Variants in LRRC7 observed in about 807,000 individuals in gnomAD.
The protein encoded by LRRC7 is leucine-rich repeat-containing protein 7.
In LRRC7, 23 loss-of-function variants were observed where a neutral mutation model predicts 175.7. That is an observed-to-expected ratio of 0.13 (90% confidence interval 0.09 to 0.19). The LOEUF is 0.19. LRRC7 is among the 10% of genes least tolerant of loss of function. The pLI is 1.00. For synonymous variants in LRRC7, 685 were observed against 680.9 expected, an observed-to-expected ratio of 1.01 and a Z score of -0.09; for missense variants, 1,354 against 1,904.7, an observed-to-expected ratio of 0.71 and a Z score of 5.38.
At chr1:69,738,317 A>G (rs1481063410) in intron 2 of LRRC7, among the ~76,000 whole-genome samples, 1 of 152,090 alleles carries the variant, frequency 6.6e-6, no homozygotes, top group African/African-American at 2.4e-5. Flanking sequence ...CTGTCATCCC[A>G]TAAGCCATGG....
chr1:69,767,373 G>A (rs1291595300), intron 3 of LRRC7, among the ~76,000 whole-genome samples: 1 of 152,036 alleles, frequency 6.6e-6, no homozygotes, highest in Non-Finnish European at 1.5e-5. Flanking sequence ...CCATCAGTTT[G>A]GAGCTTTATA....
chr1:69,730,431 C>T lies in LRRC7; in HGVS notation c.101-29760C>T, dbSNP rs529645239. Reference sequence around the variant, plus strand: ...TACCCTAAATCATCCCTCTCAAGTTCAAAGTTCCACAGATCTCAAGGGCAG... The same window carrying T: ...TACCCTAAATCATCCCTCTCAAGTTTAAAGTTCCACAGATCTCAAGGGCAG... On this transcript the variant is annotated intron_variant, in intron 2 of 26. Transcript: ENST00000651989. 8.5e-5 allele frequency among the ~76,000 whole-genome samples: 13 copies of T among 152,282 alleles called. 1 individual carries two copies. In the South Asian group the frequency reaches 2.3e-3, roughly 27 times the overall value.
Position 69,938,878 on chromosome 1 carries a change from A to G in LRRC7, c.711+7308A>G, listed in dbSNP as rs187136130. On this transcript the variant is annotated intron_variant, in intron 8 of 26. Coordinates refer to ENST00000651989, the MANE Select transcript of LRRC7 (RefSeq NM_001370785.2). ...GTACACACTTTTTAAAAAGAGCAAA[A>G]TAATGAAGTACAATTTGTCATCACA... Among the ~76,000 whole-genome samples the G allele has an allele frequency of 3.3e-5, 5 of 151,402 alleles. No individual in the cohort carries two copies. In the East Asian group the frequency reaches 9.7e-4, roughly 29 times the overall value.
Position 69,648,001 on chromosome 1 carries a change from A to C in LRRC7, c.3-30380A>C, listed in dbSNP as rs116821196. Among the ~76,000 whole-genome samples, 990 of 152,314 alleles carry C rather than the reference A, an allele frequency of 6.5e-3. 5 individuals carry two copies. The highest frequency in any genetic ancestry group is 0.023 in the African/African-American group (937 of 41,582). ...CCTTTAGCTAATATAAAATGTTTTC[A>C]AAAGTTTATCTAGTAATCCTTTTTT... On this transcript the variant is annotated intron_variant, in intron 1 of 26. Transcript: ENST00000651989.
intron 9 of LRRC7, among the ~76,000 whole-genome samples, chr1:69,982,874 G>A (rs528198981): frequency 6.6e-6 from 1 of 152,266 alleles, no homozygotes; most frequent in Non-Finnish European, 1.5e-5. Flanking sequence ...TGCCTTTACA[G>A]TCCTCAGGCT....
At chr1:69,946,291 T>A (rs539123562) in intron 8 of LRRC7, among the ~76,000 whole-genome samples, 19 of 152,338 alleles carry the variant, frequency 1.2e-4, no homozygotes, top group Middle Eastern at 3.4e-3. Context: ...GATTTGCACA[T>A]GTTGAACCAT....
intron 25 of LRRC7, 99 bp from the exon 26 acceptor site, chr1:70,107,653 T>C: frequency 3.6e-6 from 3 of 833,508 alleles, no homozygotes; most frequent in Non-Finnish European, 6.1e-6. Flanking sequence ...AAACTGTTTC[T>C]GGATCTGTTT....
intron 8 of LRRC7, among the ~76,000 whole-genome samples, chr1:69,953,645 C>A (rs1449973799): frequency 1.3e-5 from 2 of 152,004 alleles, no homozygotes; most frequent in Non-Finnish European, 2.9e-5. Flanking sequence ...CATTTTTTTA[C>A]ATGTAATAAT....
At chr1:69,697,947 T>C (rs1181879234) in intron 2 of LRRC7, among the ~76,000 whole-genome samples, 2 of 152,158 alleles carry the variant, frequency 1.3e-5, no homozygotes, top group Non-Finnish European at 2.9e-5. Context: ...TCAGGTAGAC[T>C]CCAGAAGAAA....
At chr1:69,781,434 C>A (rs921349780) in intron 3 of LRRC7, among the ~76,000 whole-genome samples, 1 of 151,790 alleles carries the variant, frequency 6.6e-6, no homozygotes, top group Non-Finnish European at 1.5e-5. Flanking sequence ...GTAATCCCAG[C>A]ACTTTGGGAG....
chr1:69,973,280 CA>C (rs1388808221), intron 8 of LRRC7, among the ~76,000 whole-genome samples: 4 of 151,712 alleles, frequency 2.6e-5, no homozygotes, highest in South Asian at 2.1e-4. Flanking sequence ...TTTGAGGTCT[CA>C]GGGGGAAAGG....
intron 2 of LRRC7, among the ~76,000 whole-genome samples, chr1:69,748,082 A>G (rs1669448397): frequency 1.3e-5 from 2 of 152,172 alleles, no homozygotes; most frequent in African/African-American, 2.4e-5. Flanking sequence ...AAAGCAACTT[A>G]GTTTATTAAA....
intron 8 of LRRC7, among the ~76,000 whole-genome samples, chr1:69,936,732 C>G (rs1465741300): frequency 1.3e-5 from 2 of 152,114 alleles, no homozygotes; most frequent in African/African-American, 2.4e-5. Context: ...CCTCCACCTT[C>G]AGGTAGGACC....
At chr1:70,089,869 C>A in intron 25 of LRRC7, 50 bp downstream of exon 25, 1 of 1,293,718 alleles carries the variant, frequency 7.7e-7, no homozygotes, top group Non-Finnish European at 1.1e-6. Flanking sequence ...AATACTATCT[C>A]CTACAGTAAC....
chr1:69,610,307 T>C (rs969003825), intron 1 of LRRC7, among the ~76,000 whole-genome samples: 1 of 152,062 alleles, frequency 6.6e-6, no homozygotes. Flanking sequence ...TCAATGAGAT[T>C]CAAAATCAGT....
At chr1:70,056,162 T>C (rs555749103) in intron 23 of LRRC7, among the ~76,000 whole-genome samples, 1 of 152,250 alleles carries the variant, frequency 6.6e-6, no homozygotes, top group South Asian at 2.1e-4. Flanking sequence ...AGAGAAAACT[T>C]AGCTGGAGAT....
At chr1:69,809,112 A>T (rs1241637630) in intron 4 of LRRC7, among the ~76,000 whole-genome samples, 1 of 152,178 alleles carries the variant, frequency 6.6e-6, no homozygotes, top group East Asian at 1.9e-4. Context: ...ACCCCACAAA[A>T]ATACAAACTA....
intron 4 of LRRC7, among the ~76,000 whole-genome samples, chr1:69,796,990 T>G (rs550525369): frequency 6.6e-6 from 1 of 152,300 alleles, no homozygotes; most frequent in South Asian, 2.1e-4. Flanking sequence ...GACTAGATTG[T>G]GAGACCCTTG....
At chr1:69,982,985 T>G (rs977616556) in intron 9 of LRRC7, among the ~76,000 whole-genome samples, 1 of 152,146 alleles carries the variant, frequency 6.6e-6, no homozygotes. Context: ...AAGATAGCAA[T>G]GAAGGAAGCT....
Sources: allele counts gnomAD v4.1 joint callset (sites outside exome capture counted in the v4.1 genomes callset), GRCh38; gene constraint gnomAD v4.1.1; transcripts MANE v1.5; gene names NCBI Gene and HGNC (gene_info 2026-07-23, HGNC 2026-07-21).